Variants in AFG2A observed in about 807,000 individuals in gnomAD.
The protein encoded by AFG2A is AAA ATPase AFG2A.
the AFG2A span, among the ~76,000 whole-genome samples, chr4:123,132,178 A>G: frequency 6.6e-6 from 1 of 152,192 alleles, no homozygotes; most frequent in Non-Finnish European, 1.5e-5. Context: ...TTATATACAC[A>G]GACACATATA....
chr4:123,287,546 GTTAACA>G, the AFG2A span, among the ~76,000 whole-genome samples: 1 of 152,168 alleles, frequency 6.6e-6, no homozygotes, highest in African/African-American at 2.4e-5. Context: ...TCCTAAATTA[GTTAACA>G]TTAAGTCAGA....
chr4:123,134,522 T>A, the AFG2A span, among the ~76,000 whole-genome samples: 7 of 152,116 alleles, frequency 4.6e-5, no homozygotes, highest in African/African-American at 1.7e-4. Context: ...TGTGTGATGC[T>A]TCCAGCTTTG....
the AFG2A span, among the ~76,000 whole-genome samples, chr4:123,068,949 G>A: frequency 6.6e-6 from 1 of 152,146 alleles, no homozygotes; most frequent in African/African-American, 2.4e-5. Flanking sequence ...TCATTGGTAA[G>A]CTTTGGAATA....
At chr4:123,262,793 C>T in the AFG2A span, among the ~76,000 whole-genome samples, 15 of 152,150 alleles carry the variant, frequency 9.9e-5, no homozygotes, top group South Asian at 2.1e-4. Context: ...GTATAAACAA[C>T]GAAGTTTTAT....
the AFG2A span, among the ~76,000 whole-genome samples, chr4:123,032,818 G>C: frequency 6.6e-6 from 1 of 152,234 alleles, no homozygotes; most frequent in South Asian, 2.1e-4. Flanking sequence ...TTGTGATCAT[G>C]AGTGTACACA....
At chr4:123,224,832 G>A in the AFG2A span, among the ~76,000 whole-genome samples, 1 of 152,206 alleles carries the variant, frequency 6.6e-6, no homozygotes, top group African/African-American at 2.4e-5. Flanking sequence ...CACCAACAGT[G>A]TAAAAGTGCT....
chr4:123,150,569 G>A, the AFG2A span, among the ~76,000 whole-genome samples: 4 of 152,214 alleles, frequency 2.6e-5, no homozygotes, highest in Admixed American at 6.5e-5. Flanking sequence ...GGGATGTGAA[G>A]GACCTCTTTA....
chr4:123,067,254 C>T, the AFG2A span, among the ~76,000 whole-genome samples: 1 of 152,040 alleles, frequency 6.6e-6, no homozygotes, highest in African/African-American at 2.4e-5. Flanking sequence ...CACGGTGACT[C>T]ACACCTGTAA....
chr4:123,024,868 C>T, the AFG2A span, among the ~76,000 whole-genome samples: 3 of 152,134 alleles, frequency 2.0e-5, no homozygotes, highest in Non-Finnish European at 2.9e-5. Flanking sequence ...TGGATGGAAG[C>T]GTTCTGGGTT....
the AFG2A span, among the ~76,000 whole-genome samples, chr4:123,187,274 C>A: frequency 6.6e-6 from 1 of 152,168 alleles, no homozygotes; most frequent in Non-Finnish European, 1.5e-5. Context: ...TGTATAAGCT[C>A]TTTGTCACAT....
the AFG2A span, among the ~76,000 whole-genome samples, chr4:123,120,908 T>G: frequency 0.021 from 3,232 of 152,160 alleles, 65 homozygotes; most frequent in Non-Finnish European, 0.035. Flanking sequence ...AAATTAACTG[T>G]AAAACAGCCT....
the AFG2A span, among the ~76,000 whole-genome samples, chr4:123,303,828 C>T: frequency 1.3e-5 from 2 of 151,348 alleles, no homozygotes; most frequent in Admixed American, 6.6e-5. Context: ...TGTTCCCCTT[C>T]TCTAATGTCA....
the AFG2A span, among the ~76,000 whole-genome samples, chr4:123,301,334 TAAAAC>T: frequency 1.3e-5 from 2 of 152,094 alleles, no homozygotes; most frequent in South Asian, 2.1e-4. Flanking sequence ...TATTTGAAAT[TAAAAC>T]AAAATAATAT....
chr4:123,086,420 C>G, the AFG2A span, among the ~76,000 whole-genome samples: 1 of 152,082 alleles, frequency 6.6e-6, no homozygotes, highest in East Asian at 1.9e-4. Flanking sequence ...GTAAGGTGGT[C>G]CCCACCCCTC....
At chr4:123,079,575 T>C in the AFG2A span, among the ~76,000 whole-genome samples, 2 of 152,092 alleles carry the variant, frequency 1.3e-5, no homozygotes, top group Admixed American at 1.3e-4. Context: ...AGAAGAATTC[T>C]GTTTTATCTA....
At chr4:123,310,607 C>T in the AFG2A span, among the ~76,000 whole-genome samples, 5 of 152,300 alleles carry the variant, frequency 3.3e-5, no homozygotes, top group South Asian at 4.1e-4. Flanking sequence ...CATGCATCCA[C>T]TACTGGTTTG....
the AFG2A span, among the ~76,000 whole-genome samples, chr4:122,947,827 T>C: frequency 6.6e-6 from 1 of 152,096 alleles, no homozygotes; most frequent in Non-Finnish European, 1.5e-5. Context: ...TAAAAAATAA[T>C]AAAAACTTAA....
the AFG2A span, among the ~76,000 whole-genome samples, chr4:123,041,512 TG>T: frequency 6.6e-6 from 1 of 151,880 alleles, no homozygotes; most frequent in Admixed American, 6.6e-5. Context: ...AACAGTTTTT[TG>T]GGGTTTTTTT....
the AFG2A span, among the ~76,000 whole-genome samples, chr4:122,990,586 ATT>A: frequency 6.7e-6 from 1 of 148,292 alleles, no homozygotes; most frequent in Admixed American, 6.8e-5. Flanking sequence ...TTTGTTTTCA[ATT>A]TTTTTTTTTT....
Sources: allele counts gnomAD v4.1 joint callset (sites outside exome capture counted in the v4.1 genomes callset), GRCh38; gene constraint gnomAD v4.1.1; transcripts MANE v1.5; gene names NCBI Gene and HGNC (gene_info 2026-07-23, HGNC 2026-07-21).